The following PCDH15 variants were observed in gnomAD, a reference collection of about 807,000 sequenced individuals.
PCDH15 encodes protocadherin related 15.
Under a neutral mutation model 178.5 loss-of-function variants are expected in PCDH15, and 129 were observed. The ratio of observed to expected loss-of-function variants is 0.72; its 90% CI spans 0.63 to 0.84. The LOEUF is 0.84. PCDH15 is among the 40% of genes least tolerant of loss of function. The pLI, the probability that PCDH15 is intolerant of heterozygous loss-of-function variation, is 0.00. For synonymous variants in PCDH15, 800 were observed against 732.0 expected (o/e 1.09, Z -1.50); for missense variants, 2,230 against 2,099.9 (o/e 1.06, Z -1.21).
chr10:54,298,887 T>C (rs1003120885), intron 8 of PCDH15, among the ~76,000 whole-genome samples: 3 of 152,232 alleles, frequency 2.0e-5, no homozygotes, highest in Non-Finnish European at 4.4e-5. Context: ...CTGTTGTAAT[T>C]GGAAGACTTT....
At chr10:54,135,795 C>T (rs1176370781) in intron 14 of PCDH15, among the ~76,000 whole-genome samples, 3 of 152,100 alleles carry the variant, frequency 2.0e-5, no homozygotes, top group Admixed American at 1.3e-4. Flanking sequence ...AGAATTTTGA[C>T]GCTGCCCTCA....
upstream of PCDH15, among the ~76,000 whole-genome samples, chr10:54,805,325 T>C (rs1952762263): frequency 6.6e-6 from 1 of 152,042 alleles, no homozygotes; most frequent in African/African-American, 2.4e-5. Flanking sequence ...CAAAATAGCC[T>C]TGCTCATTAC....
intron 2 of PCDH15, among the ~76,000 whole-genome samples, chr10:54,562,568 T>C (rs557474951): frequency 6.6e-6 from 1 of 152,246 alleles, no homozygotes; most frequent in East Asian, 1.9e-4. Flanking sequence ...AAAGTGTGTT[T>C]TTCAAAATGG....
At chr10:55,623,789 A>G (rs1234598412) in intron 2 of PCDH15, among the ~76,000 whole-genome samples, 2 of 151,562 alleles carry the variant, frequency 1.3e-5, no homozygotes, top group African/African-American at 4.9e-5. Context: ...AACACCTTCT[A>G]ATAGATATCC....
At chr10:53,929,960 A>G (rs569353010) in intron 25 of PCDH15, among the ~76,000 whole-genome samples, 2 of 152,294 alleles carry the variant, frequency 1.3e-5, no homozygotes, top group African/African-American at 4.8e-5. Flanking sequence ...CTTTTGCTCT[A>G]CATAAAAGAA....
At chr10:55,578,062 A>G (rs942882634) in intron 2 of PCDH15, among the ~76,000 whole-genome samples, 7 of 152,100 alleles carry the variant, frequency 4.6e-5, no homozygotes, top group Admixed American at 1.3e-4. Context: ...TTAAGAACCA[A>G]AACAGGTAAG....
At chr10:55,101,611 G>A (rs1842579191) in intron 2 of PCDH15, among the ~76,000 whole-genome samples, 1 of 151,218 alleles carries the variant, frequency 6.6e-6, no homozygotes, top group Non-Finnish European at 1.5e-5. Flanking sequence ...AACCTTTACT[G>A]GCATATAAAT....
rs1170577490 is a variant in PCDH15 at position 53,810,197 on chromosome 10, CTT to C, written c.4671+357_4671+358del. Among the ~76,000 whole-genome samples, 4 of 152,128 alleles carry C rather than the reference CTT, an allele frequency of 2.6e-5. No homozygotes were observed. In the East Asian group the frequency reaches 5.8e-4, roughly 22 times the overall value. Reference sequence around the variant, plus strand: ...AGGTGGAGACTATATTTTTTCATGACTTTTAGTTTTGCTAGATAATGTGGGAG... The same window carrying C: ...AGGTGGAGACTATATTTTTTCATGACTTAGTTTTGCTAGATAATGTGGGAG... On this transcript the variant is annotated intron_variant, in intron 37 of 37. Transcript: ENST00000644397.
At chr10:54,264,393 C>T (rs2132350947) in intron 8 of PCDH15, among the ~76,000 whole-genome samples, 1 of 152,204 alleles carries the variant, frequency 6.6e-6, no homozygotes, top group South Asian at 2.1e-4. Context: ...CTCTCACTAG[C>T]TCCCTAGAAA....
At chr10:55,405,400 A>G (rs1453485129) in intron 2 of PCDH15, among the ~76,000 whole-genome samples, 4 of 150,400 alleles carry the variant, frequency 2.7e-5, no homozygotes, top group Admixed American at 2.0e-4. Flanking sequence ...GGCTTTAAAT[A>G]CCTGTCTTTT....
chr10:54,996,623 G>A (rs1839650570), intron 2 of PCDH15, among the ~76,000 whole-genome samples: 1 of 152,126 alleles, frequency 6.6e-6, no homozygotes, highest in Non-Finnish European at 1.5e-5. Flanking sequence ...ATCTTTGAAG[G>A]TCTTTAAATG....
chr10:53,840,640 G>C (rs2077587335), intron 28 of PCDH15, 144 bp from the exon 29 acceptor site: 1 of 786,242 alleles, frequency 1.3e-6, no homozygotes, highest in Non-Finnish European at 2.1e-6. Flanking sequence ...ATAAACCCTT[G>C]AAAAACATTC....
chr10:53,938,886 G>A lies in PCDH15; in HGVS notation c.3302C>T (p.Thr1101Ile), dbSNP rs766156223. The A allele has an allele frequency of 9.9e-6, 16 of 1,613,350 alleles. No individual in the cohort carries two copies. The highest frequency in any genetic ancestry group is 2.2e-5 in the East Asian group (1 of 44,856). ...VNGPLDYETRTSYVLRVQADS... is the reference protein window; with the variant it reads ...VNGPLDYETRISYVLRVQADS... The stretch of plus-strand genomic sequence containing the variant: ...AGCTTGGACTCGAAGTACATAGCTT[G>A]TCCTGGTCTCATAATCCAGAGGTCC... Residue 1101 changes from threonine to isoleucine, a missense_variant, in exon 25 of 38, where the codon ACA becomes ATA. Thr to Ile is a moderately conservative substitution (Grantham distance 89, BLOSUM62 -1). Transcript: ENST00000644397.
chr10:55,353,551 G>C (rs1400995098), intron 2 of PCDH15, among the ~76,000 whole-genome samples: 1 of 152,090 alleles, frequency 6.6e-6, no homozygotes, highest in Non-Finnish European at 1.5e-5. Flanking sequence ...GTGTGTGAAA[G>C]AGCAGGCAAG....
chr10:54,217,181 T>C (rs2052179535), intron 9 of PCDH15, among the ~76,000 whole-genome samples: 1 of 152,144 alleles, frequency 6.6e-6, no homozygotes, highest in Non-Finnish European at 1.5e-5. Context: ...ATTTTAGAGC[T>C]ACATATGTTA....
intron 2 of PCDH15, among the ~76,000 whole-genome samples, chr10:55,141,980 G>C (rs981224135): frequency 9.9e-5 from 15 of 151,924 alleles, no homozygotes; most frequent in Admixed American, 8.5e-4. Flanking sequence ...AGACTTTATT[G>C]AATTCAGAGG....
intron 23 of PCDH15, among the ~76,000 whole-genome samples, chr10:53,942,872 A>G (rs2086193684): frequency 6.6e-6 from 1 of 152,234 alleles, no homozygotes; most frequent in Non-Finnish European, 1.5e-5. Flanking sequence ...TAACCCATTA[A>G]GTTCATGGTA....
chr10:54,636,988 A>G (rs1040416180), intron 2 of PCDH15, among the ~76,000 whole-genome samples: 1 of 151,964 alleles, frequency 6.6e-6, no homozygotes, highest in Non-Finnish European at 1.5e-5. Flanking sequence ...TCTCCCAAGT[A>G]TATAAAAGCC....
chr10:55,611,117 G>A (rs1235619498), intron 2 of PCDH15, among the ~76,000 whole-genome samples: 1 of 151,960 alleles, frequency 6.6e-6, no homozygotes, highest in Non-Finnish European at 1.5e-5. Context: ...ATTGGTTTGG[G>A]CGATGATTTC....
Sources: gnomAD v4.1 joint callset for allele counts (sites outside exome capture counted in the v4.1 genomes callset) on GRCh38, gnomAD v4.1.1 for gene constraint, MANE v1.5 for transcripts, NCBI Gene and HGNC (gene_info 2026-07-23, HGNC 2026-07-21) for gene names.